The following SH3RF2 variants were observed in gnomAD, a reference collection of about 807,000 sequenced individuals.
The protein encoded by SH3RF2 is SH3 domain containing ring finger 2.
A neutral mutation model predicts 59.0 loss-of-function variants in SH3RF2; 43 were observed. The ratio of observed to expected loss-of-function variants is 0.73; its 90% CI spans 0.57 to 0.94. SH3RF2 has a LOEUF of 0.94. Among genes scored for constraint, SH3RF2 ranks in the 40% least tolerant of loss-of-function variants. The probability of loss-of-function intolerance (pLI) is 0.00; values close to 1 mark genes in which losing one functional copy is unlikely to be tolerated. For synonymous variants in SH3RF2, 391 were observed against 391.5 expected (o/e 1.00, Z 0.01); for missense variants, 930 against 940.1 (o/e 0.99, Z 0.14).
chr5:146,063,834 T>G (rs1452014887), downstream of SH3RF2, among the ~76,000 whole-genome samples: 1 of 152,046 alleles, frequency 6.6e-6, no homozygotes, highest in Non-Finnish European at 1.5e-5. Context: ...CACTCCAGCC[T>G]GGGTGACAGA....
intron 2 of SH3RF2, among the ~76,000 whole-genome samples, chr5:145,970,497 A>G (rs1418857588): frequency 2.0e-5 from 3 of 152,320 alleles, no homozygotes; most frequent in Middle Eastern, 3.4e-3. Context: ...CATATATACC[A>G]CATTTTCTTT....
At chr5:146,044,966 T>C (rs1036131206) in intron 5 of SH3RF2, among the ~76,000 whole-genome samples, 2 of 152,222 alleles carry the variant, frequency 1.3e-5, no homozygotes, top group Non-Finnish European at 2.9e-5. Context: ...AGACAGACCC[T>C]AGTGTAATGA....
chr5:146,066,918 T>C (rs1418381743), downstream of SH3RF2, among the ~76,000 whole-genome samples: 2 of 152,094 alleles, frequency 1.3e-5, no homozygotes, highest in Non-Finnish European at 2.9e-5. Flanking sequence ...ATCTTGGTGC[T>C]ATGAAAAGTG....
intron 2 of SH3RF2, 137 bp downstream of exon 2, chr5:145,938,443 A>G: frequency 9.4e-7 from 1 of 1,062,892 alleles, no homozygotes; most frequent in Non-Finnish European, 1.3e-6. Context: ...TTCTGTGGGC[A>G]GTGATCATTT....
intron 5 of SH3RF2, among the ~76,000 whole-genome samples, chr5:146,028,885 C>G (rs1761639627): frequency 6.6e-6 from 1 of 152,194 alleles, no homozygotes; most frequent in African/African-American, 2.4e-5. Context: ...TGCCCTGTCC[C>G]TGGAAATGCG....
intron 9 of SH3RF2, among the ~76,000 whole-genome samples, chr5:146,069,351 C>A (rs1354476268): frequency 6.6e-6 from 1 of 152,124 alleles, no homozygotes; most frequent in East Asian, 1.9e-4. Context: ...CAGGTTGTGG[C>A]CATGCCCAAA....
At chr5:145,999,103 T>C (rs1429381287) in intron 2 of SH3RF2, among the ~76,000 whole-genome samples, 2 of 152,204 alleles carry the variant, frequency 1.3e-5, no homozygotes, top group Non-Finnish European at 2.9e-5. Context: ...TGCCTCAATA[T>C]TGATGGCTTG....
In SH3RF2 at chr5:146,000,054, G is replaced by A; in HGVS notation, c.379-4G>A. ...ACATATCTTATTGGTCTGTGCCATT[G>A]CAGGTGCCTCGAGCAAAGGCCTTAT... On this transcript the variant is annotated splice_polypyrimidine_tract_variant and splice_region_variant and intron_variant, in intron 2 of 9. Transcript: ENST00000359120. The A allele has an allele frequency of 6.2e-7, 1 of 1,612,024 alleles. No individual in the cohort carries two copies. Among genetic ancestry groups the A allele is most frequent in the South Asian group, 1.1e-5 (1 of 90,586 alleles).
At chr5:146,019,953 G>A (rs114868706) in intron 5 of SH3RF2, among the ~76,000 whole-genome samples, 6 of 152,052 alleles carry the variant, frequency 3.9e-5, no homozygotes, top group African/African-American at 1.2e-4. Context: ...TGTGTACATC[G>A]ATTTTGTGAC....
At chr5:145,962,516 TG>T (rs1200035349) in intron 2 of SH3RF2, among the ~76,000 whole-genome samples, 1 of 152,220 alleles carries the variant, frequency 6.6e-6, no homozygotes, top group East Asian at 1.9e-4. Context: ...CAGTTATTAG[TG>T]TTGGGCTCAA....
intron 4 of SH3RF2, among the ~76,000 whole-genome samples, chr5:146,005,389 T>C (rs1236620928): frequency 4.6e-5 from 7 of 152,208 alleles, no homozygotes; most frequent in Admixed American, 4.6e-4. Flanking sequence ...AAAGGCGTGC[T>C]GTCCACCCTG....
intron 5 of SH3RF2, among the ~76,000 whole-genome samples, chr5:146,041,813 C>A (rs1357710679): frequency 6.6e-6 from 1 of 152,132 alleles, no homozygotes; most frequent in African/African-American, 2.4e-5. Context: ...CATCTGTAGT[C>A]CCAGCCACTC....
At chr5:145,944,144 GA>G (rs1352394277) in intron 2 of SH3RF2, among the ~76,000 whole-genome samples, 6 of 152,060 alleles carry the variant, frequency 3.9e-5, no homozygotes, top group Non-Finnish European at 8.8e-5. Flanking sequence ...AACACTTTTT[GA>G]GTGCTGACAT....
chr5:146,043,753 A>T (rs904687565), intron 5 of SH3RF2: 1 of 152,204 alleles, frequency 6.6e-6, no homozygotes, highest in African/African-American at 2.4e-5. Context: ...AGTGTCCTGC[A>T]TCTTTCATTT....
At chr5:146,005,791 A>G (rs1396274128) in intron 4 of SH3RF2, among the ~76,000 whole-genome samples, 1 of 151,636 alleles carries the variant, frequency 6.6e-6, no homozygotes, top group African/African-American at 2.4e-5. Flanking sequence ...TTTCCTCTGA[A>G]TATCTGATGA....
intron 8 of SH3RF2, among the ~76,000 whole-genome samples, chr5:146,059,470 C>G (rs574153501): frequency 6.6e-6 from 1 of 152,084 alleles, no homozygotes; most frequent in African/African-American, 2.4e-5. Flanking sequence ...CTTCTATTTC[C>G]TATCTCTGAT....
chr5:146,039,518 A>T (rs558500692), intron 5 of SH3RF2, among the ~76,000 whole-genome samples: 1 of 152,078 alleles, frequency 6.6e-6, no homozygotes, highest in South Asian at 2.1e-4. Context: ...GCTCACTGGT[A>T]CTCAGAGAAA....
At chr5:146,071,418 C>G (rs1272944544) in intron 9 of SH3RF2, among the ~76,000 whole-genome samples, 5 of 152,228 alleles carry the variant, frequency 3.3e-5, no homozygotes, top group Non-Finnish European at 7.3e-5. Context: ...AGGGGTGATA[C>G]TGTTTTGAAG....
chr5:146,010,017 A>G (rs1760810225), intron 4 of SH3RF2, among the ~76,000 whole-genome samples: 1 of 151,922 alleles, frequency 6.6e-6, no homozygotes, highest in African/African-American at 2.4e-5. Flanking sequence ...TCCTAATGCT[A>G]TCCCTCCCCA....
Sources: gnomAD v4.1 joint callset for allele counts (sites outside exome capture counted in the v4.1 genomes callset) on GRCh38, gnomAD v4.1.1 for gene constraint, MANE v1.5 for transcripts, NCBI Gene and HGNC (gene_info 2026-07-23, HGNC 2026-07-21) for gene names.